Variants in SEMA4C observed in about 807,000 individuals in gnomAD.
SEMA4C encodes semaphorin-4C.
A neutral mutation model predicts 89.0 loss-of-function variants in SEMA4C; 19 were observed. The ratio of observed to expected loss-of-function variants is 0.21; its 90% CI spans 0.15 to 0.31. SEMA4C has a LOEUF of 0.31. Among genes scored for constraint, SEMA4C ranks in the 10% least tolerant of loss-of-function variants. SEMA4C has a pLI of 1.00. For synonymous variants in SEMA4C, 428 were observed against 472.7 expected (o/e 0.91, Z 1.23); for missense variants, 811 against 1,107.0 (o/e 0.73, Z 3.79).
chr2:96,865,387 A>C, intron 6 of SEMA4C, 54 bp downstream of exon 6: 1 of 1,611,122 alleles, frequency 6.2e-7, no homozygotes, highest in Non-Finnish European at 8.5e-7. Context: ...CACAGACCCA[A>C]GTGGAACCAA....
chr2:96,869,437 T>C, intron 1 of SEMA4C: 1 of 985,044 alleles, frequency 1.0e-6, no homozygotes, highest in Non-Finnish European at 1.2e-6. Flanking sequence ...GGGGCCTGGC[T>C]TTCCGGGACA....
Position 96,865,761 on chromosome 2 carries a change from C to T in SEMA4C, c.325G>A (p.Glu109Lys), listed in dbSNP as rs1042954397. ...CIQKGKNNQT[E>K]CFNFIRFLQP... ...AGGAAGCGGATGAAGTTGAAGCACTCGGTCTGGGGGCAGAAAGGTGTCCGG... is the reference window on the plus strand; with the variant it reads ...AGGAAGCGGATGAAGTTGAAGCACTTGGTCTGGGGGCAGAAAGGTGTCCGG... Residue 109 changes from glutamate (E) to lysine (K), a missense_variant, in exon 5 of 15, where the codon GAG becomes AAG. This residue lies in a region of SEMA4C where 119 missense variants were observed against 152.7 expected (regional missense o/e 0.78). Coordinates refer to ENST00000305476, the MANE Select transcript of SEMA4C (RefSeq NM_017789.5). The T allele has an allele frequency of 6.2e-7, 1 of 1,614,094 alleles. No individual in the cohort carries two copies. The highest frequency in any genetic ancestry group is 8.5e-7 in the Non-Finnish European group (1 of 1,179,994).
chr2:96,869,891 C>G lies in SEMA4C; in HGVS notation c.-53G>C. ...CCTCGCTCACCTATTGCGCGCAGCT[C>G]CAGTCCCCGGGCGCCGCCCTCGCGT... On this transcript the variant is annotated 5_prime_UTR_variant, in exon 1 of 15. Transcript: ENST00000305476. 1.0e-6 allele frequency: 1 copy of G among 986,054 alleles called. No homozygotes were observed. Among genetic ancestry groups the G allele is most frequent in the South Asian group, 4.6e-5 (1 of 21,802 alleles). The allele number at this position is 986,054 out of a possible 1,614,324, so 61.1% of individuals were successfully genotyped here. A position where few individuals can be genotyped will look rare whatever the true frequency, so the allele number is the denominator to read the frequency against.
chr2:96,870,172 G>C (rs1271383145), upstream of SEMA4C: 1 of 983,968 alleles, frequency 1.0e-6, no homozygotes, highest in East Asian at 1.1e-4. Flanking sequence ...GCTCGCTCAG[G>C]AGGGGGCTGC....
At chr2:96,865,601 C>T (rs1260554202) in intron 5 of SEMA4C, 64 bp from the exon 6 acceptor site, 30 of 1,556,792 alleles carry the variant, frequency 1.9e-5, no homozygotes, top group South Asian at 6.7e-5. Flanking sequence ...GCCACATCCA[C>T]GAGTCCAGAG....
At chr2:96,863,598 G>A in intron 12 of SEMA4C, 84 bp downstream of exon 12, 1 of 1,406,154 alleles carries the variant, frequency 7.1e-7, no homozygotes. Flanking sequence ...CAAGCACATA[G>A]GCCCAACTGG....
rs774732794 is a variant in SEMA4C, at chr2:96,860,642, T to G, written c.2486A>C (p.Glu829Ala). The G allele has an allele frequency of 1.2e-6, 2 of 1,610,112 alleles. No individual in the cohort carries two copies. Among genetic ancestry groups the G allele is most frequent in the South Asian group, 2.2e-5 (2 of 90,604 alleles). ...QRQPLPDSNP[E>A]ESSV ...GGGTTCCCCTCATACTGATGACTCC[T>G]CGGGGTTGGAGTCGGGCAGTGGCTG... Residue 829 changes from glutamate (E) to alanine (A), a missense_variant, in exon 15 of 15, where the codon GAG (glutamate) becomes GCG (alanine). Physicochemically the swap from Glu to Ala is moderately radical, Grantham distance 107. This residue lies in a region of SEMA4C where 248 missense variants were observed against 269.0 expected (regional missense o/e 0.92). Coordinates refer to ENST00000305476, the MANE Select transcript of SEMA4C (RefSeq NM_017789.5).
At position 96,865,343 on chromosome 2, in the gene SEMA4C, A is replaced by C. The variant is rs753486740; in HGVS notation, c.518-23T>G. The C allele has an allele frequency of 8.1e-5, 130 of 1,612,832 alleles. No homozygotes were observed. The highest frequency in any genetic ancestry group is 8.8e-5 in the Non-Finnish European group (104 of 1,178,962). On this transcript the variant is annotated intron_variant, in intron 6 of 14. Transcript: ENST00000305476. Reference sequence around the variant, plus strand: ...CATCTATGGGAGACAGAGGTCAGCTAGGCCACACATGAGGTATGGACACAT... The same window carrying C: ...CATCTATGGGAGACAGAGGTCAGCTCGGCCACACATGAGGTATGGACACAT...
rs755698998 is a variant in SEMA4C, at chr2:96,866,370, C to T, written c.171G>A (p.Thr57=). The T allele has an allele frequency of 3.7e-6, 6 of 1,613,836 alleles. No homozygotes were observed. The highest frequency in any genetic ancestry group is 5.1e-6 in the Non-Finnish European group (6 of 1,180,040). Reference sequence around the variant, plus strand: ...ACAGAAGCCCAGTGGGCTCCGTCAGCGTCAGTGTCAGGAAGTCCTGGATGC... The same window carrying T: ...ACAGAAGCCCAGTGGGCTCCGTCAGTGTCAGTGTCAGGAAGTCCTGGATGC... The part of the protein sequence containing the change: ...QTGIQDFLTL[T]LTEPTGLLYV... The change falls in exon 3 of 15, where the codon ACG becomes ACA. Residue 57 remains threonine, a synonymous_variant. Coordinates refer to ENST00000305476, the MANE Select transcript of SEMA4C (RefSeq NM_017789.5).
rs201854875 is a variant in SEMA4C, at chr2:96,861,320, A to T, written c.1808T>A (p.Phe603Tyr). The change falls in exon 15 of 15, where the codon TTC becomes TAC. Residue 603 changes from phenylalanine to tyrosine, a missense_variant. Around this residue, in one of 4 missense-constraint regions of SEMA4C, gnomAD observed 441 missense variants for 664.9 expected, o/e 0.66. Coordinates refer to ENST00000305476, the MANE Select transcript of SEMA4C (RefSeq NM_017789.5). This position sits in a 1 kb window ranked among gnomAD's most constrained non-coding sequence, Gnocchi z 7.8. ...GGCCTGGAGCCGGGCATCGTAGAGG[A>T]AGGACCCGGGCTGTTCCGCAGGCAG... Reference protein sequence around the residue: ...RDLPAEQPGSFLYDARLQALV... With the variant: ...RDLPAEQPGSYLYDARLQALV... 1.8e-4 allele frequency: 285 copies of T among 1,607,342 alleles called. 1 individual carries two copies. Among genetic ancestry groups the T allele is most frequent in the Middle Eastern group, 8.2e-4 (5 of 6,062 alleles).
At chr2:96,865,162 G>T in intron 7 of SEMA4C, 42 bp downstream of exon 7, 1 of 1,606,324 alleles carries the variant, frequency 6.2e-7, no homozygotes, top group Middle Eastern at 1.7e-4. Context: ...GGCCCCGGGG[G>T]ACCTCCCACC....
At chr2:96,866,832 G>A in intron 2 of SEMA4C, 1 of 361,098 alleles carries the variant, frequency 2.8e-6, no homozygotes, top group Non-Finnish European at 5.5e-6. Flanking sequence ...TCAGAGTCCA[G>A]CAGAGCAGGA....
Position 96,860,329 on chromosome 2 carries a change from C to A in SEMA4C, c.*297G>T, listed in dbSNP as rs2079912200. ...ACACACACAAACACATGTGCAAATA[C>A]AGACAAACACACATCTTGAAACTTC... On this transcript the variant is annotated 3_prime_UTR_variant, in exon 15 of 15. Transcript: ENST00000305476. The A allele has an allele frequency of 4.4e-6, 2 of 457,628 alleles. No homozygotes were observed. The highest frequency in any genetic ancestry group is 4.0e-5 in the African/African-American group (2 of 49,476). The allele number at this position is 457,628 out of a possible 1,614,324, so 28.3% of individuals were successfully genotyped here. A position where few individuals can be genotyped will look rare whatever the true frequency, so the allele number is the denominator to read the frequency against.
chr2:96,870,473 C>T (rs2080177974), upstream of SEMA4C: 1 of 945,786 alleles, frequency 1.1e-6, no homozygotes, highest in African/African-American at 1.8e-5. Context: ...CGCGGGCGAG[C>T]CACGTCGAGG....
chr2:96,863,873 C>T (rs2080008630), intron 11 of SEMA4C, 53 bp downstream of exon 11: 1 of 1,597,212 alleles, frequency 6.3e-7, no homozygotes, highest in South Asian at 1.1e-5. Flanking sequence ...GCCCTGGGCA[C>T]ACGGGCTTCT....
At chr2:96,865,990 G>T in intron 3 of SEMA4C, 61 bp from the exon 4 acceptor site, 2 of 1,536,254 alleles carry the variant, frequency 1.3e-6, no homozygotes, top group South Asian at 2.3e-5. Context: ...CGTGTCACAA[G>T]CACAGCCTGC....
At position 96,860,456 on chromosome 2, in the gene SEMA4C, G is replaced by T. The variant is rs545884070; in HGVS notation, c.*170C>A. On this transcript the variant is annotated 3_prime_UTR_variant, in exon 15 of 15. Coordinates refer to ENST00000305476, the MANE Select transcript of SEMA4C (RefSeq NM_017789.5). ...CTGGTGCCCTGGTGAGCCACACCAAGTGGCAGTGCCCGTGCTGAGCAGAGC... is the reference window on the plus strand; with the variant it reads ...CTGGTGCCCTGGTGAGCCACACCAATTGGCAGTGCCCGTGCTGAGCAGAGC... 7.1e-6 allele frequency: 4 copies of T among 563,998 alleles called. No homozygotes were observed. The East Asian group carries it at 1.2e-4, about 17-fold the overall frequency. The allele number at this position is 563,998 out of a possible 1,614,324, so 34.9% of individuals were successfully genotyped here.
Position 96,865,438 on chromosome 2 carries a change from C to T in SEMA4C, c.517+3G>A, listed in dbSNP as rs200362269. The T allele has an allele frequency of 1.6e-5, 26 of 1,613,670 alleles. No homozygotes were observed. The East Asian group carries it at 1.8e-4, about 11-fold the overall frequency. On this transcript the variant is annotated splice_donor_region_variant and intron_variant, in intron 6 of 14. Coordinates refer to ENST00000305476, the MANE Select transcript of SEMA4C (RefSeq NM_017789.5). ...CCAGCCTGCATGGGGGGCAGCCACT[C>T]ACCCACAAGAAGGCCAGCATGGCCC...
chr2:96,864,485 A>G lies in SEMA4C; in HGVS notation c.963-103T>C. On this transcript the variant is annotated intron_variant, in intron 9 of 14. Coordinates refer to ENST00000305476, the MANE Select transcript of SEMA4C (RefSeq NM_017789.5). The surrounding 1 kb of genome is among the most constrained non-coding windows in gnomAD (Gnocchi z 6.3). ...AGGCAGGGCCTGGCACAAACTGGCC[A>G]TGGGTACCAGAATGCCCTGGCAGCT... The G allele has an allele frequency of 6.5e-7, 1 of 1,530,024 alleles. No individual in the cohort carries two copies. The highest frequency in any genetic ancestry group is 8.9e-7 in the Non-Finnish European group (1 of 1,129,310). 94.8% of individuals were successfully genotyped at this position (1,530,024 alleles called of 1,614,324 possible).
Sources: allele counts gnomAD v4.1 joint callset, GRCh38; gene constraint gnomAD v4.1.1; regional missense constraint gnomAD v4.1.1; non-coding constraint Gnocchi (gnomAD v3.1); transcripts MANE v1.5; gene names NCBI Gene and HGNC (gene_info 2026-07-23, HGNC 2026-07-21).